KLHL28: variants seen among roughly 807,000 people sequenced by gnomAD.
KLHL28 encodes kelch like family member 28.
KLHL28 carries 22 observed loss-of-function variants against 48.3 expected under a neutral mutation model. That is an observed-to-expected ratio of 0.46 (90% CI 0.33 to 0.65). The LOEUF is 0.65. Among genes scored for constraint, KLHL28 ranks in the 30% least tolerant of loss-of-function variants. The pLI is 0.03. For missense variants in KLHL28, 527 were observed against 704.3 expected, an observed-to-expected ratio of 0.75 and a Z score of 2.85; for synonymous variants, 243 against 242.4, an observed-to-expected ratio of 1.00 and a Z score of -0.02.
intron 2 of KLHL28, among the ~76,000 whole-genome samples, chr14:44,937,583 G>A (rs1273327028): frequency 6.6e-6 from 1 of 152,160 alleles, no homozygotes; most frequent in Admixed American, 6.5e-5. Context: ...TTCTGGAGAT[G>A]ATTTAGCTAA....
At chr14:44,946,171 C>A (rs1278468637) in intron 1 of KLHL28, among the ~76,000 whole-genome samples, 1 of 152,040 alleles carries the variant, frequency 6.6e-6, no homozygotes, top group Non-Finnish European at 1.5e-5. Context: ...ACATGAGATG[C>A]CCCAAACCAA....
At chr14:44,948,381 A>G (rs74468035) in intron 1 of KLHL28, among the ~76,000 whole-genome samples, 3 of 152,284 alleles carry the variant, frequency 2.0e-5, no homozygotes, top group African/African-American at 7.2e-5. Context: ...ATATCAGTGA[A>G]GAACACAGAC....
At chr14:44,954,640 TA>T (rs990760702) in intron 1 of KLHL28, among the ~76,000 whole-genome samples, 42 of 152,212 alleles carry the variant, frequency 2.8e-4, no homozygotes, top group African/African-American at 9.6e-4. Context: ...TCATTTCTAT[TA>T]AAAAAAGGAA....
chr14:44,935,740 G>A (rs1883782747), intron 2 of KLHL28, among the ~76,000 whole-genome samples: 1 of 151,162 alleles, frequency 6.6e-6, no homozygotes, highest in African/African-American at 2.4e-5. Flanking sequence ...TGGCAGCAAG[G>A]AGGGGCACAG....
chr14:44,944,444 A>G (rs1884235618), intron 2 of KLHL28, among the ~76,000 whole-genome samples: 1 of 152,170 alleles, frequency 6.6e-6, no homozygotes, highest in Non-Finnish European at 1.5e-5. Flanking sequence ...TTATAGAAAA[A>G]GTCTGACAAT....
intron 1 of KLHL28, among the ~76,000 whole-genome samples, chr14:44,948,523 TATCTC>T (rs1238762254): frequency 2.6e-5 from 4 of 152,126 alleles, no homozygotes; most frequent in Admixed American, 2.0e-4. Context: ...ATACCCCACT[TATCTC>T]AGAAGTTTAC....
intron 2 of KLHL28, among the ~76,000 whole-genome samples, chr14:44,937,402 C>T (rs1049681238): frequency 8.5e-5 from 13 of 152,070 alleles, no homozygotes; most frequent in African/African-American, 2.7e-4. Flanking sequence ...CTGCCTAGGC[C>T]TCCCAAAGTG....
At chr14:44,956,430 AT>A (rs2138669546) in intron 1 of KLHL28, among the ~76,000 whole-genome samples, 1 of 152,322 alleles carries the variant, frequency 6.6e-6, no homozygotes, top group South Asian at 2.1e-4. Flanking sequence ...CATAACACCC[AT>A]GAGTATTCTC....
chr14:44,936,721 G>T (rs770910552), intron 2 of KLHL28, among the ~76,000 whole-genome samples: 3 of 152,200 alleles, frequency 2.0e-5, no homozygotes, highest in Non-Finnish European at 4.4e-5. Context: ...CCTAAGTGGA[G>T]AATTGAATTT....
At chr14:44,931,130 T>C (rs562767229) in intron 4 of KLHL28, among the ~76,000 whole-genome samples, 2 of 152,288 alleles carry the variant, frequency 1.3e-5, no homozygotes, top group East Asian at 3.9e-4. Flanking sequence ...AATATGCACA[T>C]TGGCATATAA....
At chr14:44,959,747 A>G (rs1884952087) in intron 1 of KLHL28, among the ~76,000 whole-genome samples, 1 of 152,150 alleles carries the variant, frequency 6.6e-6, no homozygotes, top group Non-Finnish European at 1.5e-5. Context: ...GCAATTTTCA[A>G]TGTATCCTTA....
Position 44,945,093 on chromosome 14 carries a change from C to T in KLHL28, c.836G>A (p.Arg279His). 1 of 1,614,026 alleles carries T rather than the reference C, an allele frequency of 6.2e-7. No individual in the cohort carries two copies. The highest frequency in any genetic ancestry group is 8.5e-7 in the Non-Finnish European group (1 of 1,179,930). ...TGCACAAAGTACTTTGGGAGCACAG[C>T]GAGGTCGTGTCATCAAGACTGTCTG... Reference protein sequence around the residue: ...SHQTVLMTRPRCAPKVLCAVG... With the variant: ...SHQTVLMTRPHCAPKVLCAVG... The change falls in exon 2 of 5, where the codon CGC (arginine) becomes CAC (histidine). Residue 279 changes from arginine (R) to histidine (H), a missense_variant. Arg to His is a conservative substitution (Grantham distance 29). Coordinates refer to ENST00000396128, the MANE Select transcript of KLHL28 (RefSeq NM_017658.5).
Position 44,927,465 on chromosome 14 carries a change from C to T in KLHL28, c.*1563G>A, listed in dbSNP as rs183706475. 1.6e-4 allele frequency: 24 copies of T among 150,766 alleles called. No individual in the cohort carries two copies. In the East Asian group the frequency reaches 3.7e-3, roughly 23 times the overall value. 9.3% of individuals were successfully genotyped at this position (150,766 alleles called of 1,614,324 possible). The stretch of plus-strand genomic sequence containing the variant: ...TCTTGCAGAGACTTTATAAGGAGAT[C>T]GCAAACAGGTTTAAAAAAAATCAAG... On this transcript the variant is annotated 3_prime_UTR_variant, in exon 5 of 5. Transcript: ENST00000396128.
rs574884316 is a variant in KLHL28 at position 44,940,094 on chromosome 14, A to G, written c.899+4936T>C. Among the ~76,000 whole-genome samples, 10 of 152,348 alleles carry G rather than the reference A, an allele frequency of 6.6e-5. 1 individual carries two copies. The highest frequency in any genetic ancestry group is 2.0e-4 in the Admixed American group (3 of 15,304). ...GTCATCCCATGATGGAAGACATCAC[A>G]TGAAGTGCAAGCGAGTATGTATGTG... On this transcript the variant is annotated intron_variant, in intron 2 of 4. Coordinates refer to ENST00000396128, the MANE Select transcript of KLHL28 (RefSeq NM_017658.5).
At chr14:44,940,262 C>T (rs1884013280) in intron 2 of KLHL28, among the ~76,000 whole-genome samples, 1 of 152,210 alleles carries the variant, frequency 6.6e-6, no homozygotes, top group South Asian at 2.1e-4. Context: ...AAGGCCCCAT[C>T]TCTTAACATT....
chr14:44,937,479 C>CA (rs1258688082), intron 2 of KLHL28, among the ~76,000 whole-genome samples: 1 of 152,144 alleles, frequency 6.6e-6, no homozygotes, highest in East Asian at 1.9e-4. Flanking sequence ...TAGTTGATGT[C>CA]AGAGAATTGG....
At chr14:44,959,935 C>T (rs190750433) in intron 1 of KLHL28, among the ~76,000 whole-genome samples, 83 of 152,012 alleles carry the variant, frequency 5.5e-4, no homozygotes, top group African/African-American at 1.9e-3. Flanking sequence ...AAATCTGCTT[C>T]GTAATAAAAA....
At chr14:44,958,250 G>T (rs118149517) in intron 1 of KLHL28, among the ~76,000 whole-genome samples, 4 of 151,630 alleles carry the variant, frequency 2.6e-5, no homozygotes, top group African/African-American at 7.3e-5. Context: ...GTCAAGTTGC[G>T]AGTTTTGTAC....
At chr14:44,944,471 TG>T (rs1478314626) in intron 2 of KLHL28, among the ~76,000 whole-genome samples, 1 of 150,560 alleles carries the variant, frequency 6.6e-6, no homozygotes, top group Non-Finnish European at 1.5e-5. Context: ...TCTAAGTTAT[TG>T]GGGGGAAAAA....
Sources: allele counts gnomAD v4.1 joint callset (sites outside exome capture counted in the v4.1 genomes callset), GRCh38; gene constraint gnomAD v4.1.1; transcripts MANE v1.5; gene names NCBI Gene and HGNC (gene_info 2026-07-23, HGNC 2026-07-21).